Variants in AHRR observed in about 807,000 individuals in gnomAD.
AHRR encodes the protein aryl hydrocarbon receptor repressor, also known as ahR repressor.
In AHRR, 28 loss-of-function variants were observed where a neutral mutation model predicts 44.0. That is an observed-to-expected ratio of 0.64 (90% CI 0.47 to 0.87). The LOEUF (loss-of-function observed/expected upper bound fraction) is 0.87, where lower values mean the gene tolerates loss of function less well. Among genes scored for constraint, AHRR ranks in the 40% least tolerant of loss-of-function variants. AHRR has a pLI of 0.00. For synonymous variants in AHRR, 434 were observed against 407.0 expected, an observed-to-expected ratio of 1.07 and a Z score of -0.80; for missense variants, 990 against 953.9, an observed-to-expected ratio of 1.04 and a Z score of -0.50.
In AHRR at chr5:370,058, TGCCCCATCCTCCCGGGCCCTCGCTGGAA is replaced by T. The variant is rs1560895006; in HGVS notation, c.245-6546_245-6519del. 6.6e-6 allele frequency among the ~76,000 whole-genome samples: 1 copy of T among 150,870 alleles called. No homozygotes were observed. Among genetic ancestry groups the T allele is most frequent in the African/African-American group, 2.4e-5 (1 of 41,206 alleles). ...CCCTGCCCTCCCGGGCTCTTGCTGG[TGCCCCATCCTCCCGGGCCCTCGCTGGAA>T]GCCCCGTCCTCCCGGGCCCTCGCTG... On this transcript the variant is annotated intron_variant, in intron 3 of 10. Transcript: ENST00000684583. The surrounding 1 kb of genome is among the most constrained non-coding windows in gnomAD (Gnocchi z 4.5).
intron 8 of AHRR, among the ~76,000 whole-genome samples, chr5:428,836 A>AG (rs1197373892): frequency 6.6e-6 from 1 of 152,204 alleles, no homozygotes; most frequent in African/African-American, 2.4e-5. Flanking sequence ...GCTCGAACCT[A>AG]GGGCTCTCCC....
chr5:431,178 C>G (rs761831892), intron 8 of AHRR, among the ~76,000 whole-genome samples: 1 of 152,230 alleles, frequency 6.6e-6, no homozygotes, highest in Non-Finnish European at 1.5e-5. Context: ...GTGCGCACAG[C>G]CCTGTCCCGG....
At chr5:367,950 T>C (rs780839581) in intron 3 of AHRR, 1 of 702,560 alleles carries the variant, frequency 1.4e-6, no homozygotes, top group Non-Finnish European at 2.6e-6. Context: ...TGATGGTGAA[T>C]ATTGCAGGAC....
intron 1 of AHRR, among the ~76,000 whole-genome samples, chr5:340,686 ATATTTTTTT>A (rs1214383918): frequency 8.3e-3 from 161 of 19,472 alleles, no homozygotes; most frequent in African/African-American, 0.014. Flanking sequence ...ATATATATAT[ATATTTTTTT>A]TTTTTTTTTT....
At chr5:354,858 C>G (rs1443615718) in intron 3 of AHRR, among the ~76,000 whole-genome samples, 1 of 152,182 alleles carries the variant, frequency 6.6e-6, no homozygotes, top group African/African-American at 2.4e-5. Flanking sequence ...CCTCTGCGCA[C>G]CCTCAGACAC....
intron 3 of AHRR, among the ~76,000 whole-genome samples, chr5:374,085 C>A (rs1743688662): frequency 6.6e-6 from 1 of 152,122 alleles, no homozygotes; most frequent in Non-Finnish European, 1.5e-5. Context: ...GCGGGAGCGA[C>A]CCCTGCAATG....
chr5:331,004 G>T (rs1237775416), intron 1 of AHRR, among the ~76,000 whole-genome samples: 2 of 151,604 alleles, frequency 1.3e-5, no homozygotes, highest in South Asian at 4.2e-4. Context: ...AGCCTCCCGA[G>T]TAGCTGGGAC....
At chr5:352,756 T>C (rs1014080199) in intron 2 of AHRR, among the ~76,000 whole-genome samples, 457 of 144,612 alleles carry the variant, frequency 3.2e-3, no homozygotes, top group Middle Eastern at 7.2e-3. Flanking sequence ...ATGGGTCAGC[T>C]GTAGGGGATG....
intron 2 of AHRR, among the ~76,000 whole-genome samples, chr5:348,640 A>G (rs952169049): frequency 3.9e-5 from 6 of 152,178 alleles, no homozygotes; most frequent in Non-Finnish European, 7.3e-5. Flanking sequence ...TGCACTTGGT[A>G]TAAAAGTTCT....
chr5:343,956 G>A lies in AHRR; in HGVS notation c.54G>A (p.Leu18=), dbSNP rs1055517555. ...TYAGRKRRRP[L]QKQRPAVGAE... ...CGGGCCGGAAGCGGAGGAGGCCCCT[G>A]CAGAAACAGTAAAGTATCCCGCCTT... The change falls in exon 2 of 11, where the codon CTG becomes CTA. Residue 18 remains leucine, a synonymous_variant. Coordinates refer to ENST00000684583, the MANE Select transcript of AHRR (RefSeq NM_001377236.1). The A allele has an allele frequency of 6.3e-7, 1 of 1,599,224 alleles. No homozygotes were observed. Among genetic ancestry groups the A allele is most frequent in the Non-Finnish European group, 8.5e-7 (1 of 1,173,550 alleles).
At chr5:412,093 C>T (rs1236057783) in intron 4 of AHRR, among the ~76,000 whole-genome samples, 1 of 152,252 alleles carries the variant, frequency 6.6e-6, no homozygotes, top group East Asian at 1.9e-4. Context: ...AAGCACAACA[C>T]AGCCACATCC....
Position 432,822 on chromosome 5 carries a change from G to C in AHRR, c.987G>C (p.Glu329Asp), listed in dbSNP as rs746886230. 2 of 1,613,910 alleles carry C rather than the reference G, an allele frequency of 1.2e-6. No homozygotes were observed. Among genetic ancestry groups the C allele is most frequent in the South Asian group, 2.2e-5 (2 of 91,082 alleles). ...PNYSAGRSSR[E>D]SGVLVLREQT... ...CCCCAACAGGAAGGAGCAGCAGAGA[G>C]AGCGGCGTTTTGGTGCTCAGGGAAC... Residue 329 changes from glutamate to aspartate, a missense_variant, in exon 10 of 11, where the codon GAG becomes GAC. Coordinates refer to ENST00000684583, the MANE Select transcript of AHRR (RefSeq NM_001377236.1).
chr5:384,311 T>C (rs987625038), intron 4 of AHRR, among the ~76,000 whole-genome samples: 59 of 152,236 alleles, frequency 3.9e-4, no homozygotes, highest in African/African-American at 1.4e-3. Flanking sequence ...CTTTACAAAG[T>C]TGAAATTTTA....
At chr5:416,427 A>G (rs1308469018) in intron 5 of AHRR, among the ~76,000 whole-genome samples, 1 of 152,260 alleles carries the variant, frequency 6.6e-6, no homozygotes, top group Non-Finnish European at 1.5e-5. Flanking sequence ...CTCCTACCAC[A>G]GAGTGACATC....
rs183151904 is a variant in AHRR, at chr5:427,907, C to T, written c.809C>T (p.Ala270Val). 1,167 of 1,614,106 alleles carry T rather than the reference C, an allele frequency of 7.2e-4. 5 individuals carry two copies. In the Middle Eastern group the frequency reaches 0.021, roughly 29 times the overall value. The change falls in exon 8 of 11, where the codon GCG becomes GTG. Residue 270 changes from alanine to valine, a missense_variant. Transcript: ENST00000684583. ...CCGCGGCTGTCGCTGTTCTGCATTGCGGCACCCGTTCTCCTCCCCTCCGCA... is the reference window on the plus strand; with the variant it reads ...CCGCGGCTGTCGCTGTTCTGCATTGTGGCACCCGTTCTCCTCCCCTCCGCA... ...LPPRLSLFCI[A>V]APVLLPSAAE...
chr5:421,379 C>G (rs1043664279), intron 5 of AHRR: 1 of 615,134 alleles, frequency 1.6e-6, no homozygotes, highest in Non-Finnish European at 2.9e-6. Flanking sequence ...GCGCACAGTA[C>G]CAGCCCCCAC....
intron 6 of AHRR, 53 bp downstream of exon 6, chr5:422,911 C>G (rs891645258): frequency 1.3e-6 from 2 of 1,549,386 alleles, no homozygotes; most frequent in African/African-American, 1.4e-5. Context: ...GGTCCCATAA[C>G]ACATCGCTGC....
intron 4 of AHRR, among the ~76,000 whole-genome samples, chr5:380,020 T>G (rs1253748456): frequency 6.6e-6 from 1 of 152,168 alleles, no homozygotes; most frequent in Non-Finnish European, 1.5e-5. Flanking sequence ...ATGTGTGAGG[T>G]AGGGGTCAAG....
intron 7 of AHRR, among the ~76,000 whole-genome samples, chr5:426,281 G>A (rs1736383883): frequency 6.6e-6 from 1 of 151,556 alleles, no homozygotes; most frequent in South Asian, 2.1e-4. Flanking sequence ...TGAGTGGATG[G>A]ATGAGTGGAT....
Sources: gnomAD v4.1 joint callset for allele counts (sites outside exome capture counted in the v4.1 genomes callset) on GRCh38, gnomAD v4.1.1 for gene constraint, Gnocchi (gnomAD v3.1) non-coding constraint, MANE v1.5 for transcripts, NCBI Gene and HGNC (gene_info 2026-07-23, HGNC 2026-07-21) for gene names.